Variants in ADARB2 observed in about 807,000 individuals in gnomAD.
The protein encoded by ADARB2 is inactive double-stranded RNA-specific editase B2.
Under a neutral mutation model 62.2 loss-of-function variants are expected in ADARB2, and 25 were observed. The ratio of observed to expected loss-of-function variants is 0.40; its 90% CI spans 0.29 to 0.56. The LOEUF is 0.56. Ranked by LOEUF, ADARB2 falls within the 20% of genes least tolerant of loss-of-function variation. The probability of loss-of-function intolerance (pLI) is 0.43; values close to 1 mark genes in which losing one functional copy is unlikely to be tolerated. For synonymous variants in ADARB2, 572 were observed against 500.8 expected (o/e 1.14, Z -1.90); for missense variants, 1,071 against 1,077.4 (o/e 0.99, Z 0.08).
intron 1 of ADARB2, among the ~76,000 whole-genome samples, chr10:1,383,436 A>T (rs1218984598): frequency 6.4e-5 from 3 of 47,100 alleles, no homozygotes; most frequent in African/African-American, 1.1e-4. Flanking sequence ...GAGTATGATT[A>T]AAAAAAAAAA....
At chr10:1,702,913 G>C (rs1300694783) in intron 1 of ADARB2, among the ~76,000 whole-genome samples, 2 of 152,236 alleles carry the variant, frequency 1.3e-5, no homozygotes, top group Admixed American at 1.3e-4. Context: ...TAAAGAATTA[G>C]CTACTGTTAT....
At chr10:1,527,844 C>A (rs748641785) in intron 1 of ADARB2, among the ~76,000 whole-genome samples, 1 of 152,072 alleles carries the variant, frequency 6.6e-6, no homozygotes, top group African/African-American at 2.4e-5. Flanking sequence ...CCCAGCTGCA[C>A]GGGGAGAAGC....
chr10:1,630,975 AC>A (rs1564352212), intron 1 of ADARB2, among the ~76,000 whole-genome samples: 2 of 151,638 alleles, frequency 1.3e-5, no homozygotes, highest in Non-Finnish European at 2.9e-5. Context: ...AAACAAACAA[AC>A]AAACAAACAA....
chr10:1,708,897 G>C (rs1834921210), intron 1 of ADARB2, among the ~76,000 whole-genome samples: 1 of 152,324 alleles, frequency 6.6e-6, no homozygotes, highest in African/African-American at 2.4e-5. Flanking sequence ...TATGTGAGCA[G>C]AGGGCTGAGG....
intron 4 of ADARB2, among the ~76,000 whole-genome samples, chr10:1,260,608 C>T (rs1831126767): frequency 6.6e-6 from 1 of 151,826 alleles, no homozygotes; most frequent in Non-Finnish European, 1.5e-5. Flanking sequence ...ATGTGAAGGA[C>T]CTCTTCAAGG....
At chr10:1,357,621 T>C (rs1832208729) in intron 3 of ADARB2, among the ~76,000 whole-genome samples, 1 of 152,228 alleles carries the variant, frequency 6.6e-6, no homozygotes, top group Admixed American at 6.5e-5. Flanking sequence ...AGCAAATGTC[T>C]TCCCTTAATC....
In ADARB2 at chr10:1,221,660, A is replaced by ATGC. The variant is rs751479289; in HGVS notation, c.1514-4544_1514-4542dup. On this transcript the variant is annotated intron_variant, in intron 6 of 9. Coordinates refer to ENST00000381312, the MANE Select transcript of ADARB2 (RefSeq NM_018702.4). Reference sequence around the variant, plus strand: ...TCAATTCCCATCTATGAGTGAGAACATGCGGTGTTTGGTTTTTTGTCCTTG... The same window carrying ATGC: ...TCAATTCCCATCTATGAGTGAGAACATGCTGCGGTGTTTGGTTTTTTGTCCTTG... 6.9e-4 allele frequency among the ~76,000 whole-genome samples: 105 copies of ATGC among 151,614 alleles called. 1 individual carries two copies. The highest frequency in any genetic ancestry group is 1.2e-3 in the Non-Finnish European group (82 of 67,972).
At chr10:1,546,741 G>A (rs754411491) in intron 1 of ADARB2, among the ~76,000 whole-genome samples, 2 of 152,234 alleles carry the variant, frequency 1.3e-5, no homozygotes, top group South Asian at 2.1e-4. Flanking sequence ...TGAAAACAAC[G>A]CTGGGAGGTC....
At chr10:1,579,857 T>C (rs186156196) in intron 1 of ADARB2, among the ~76,000 whole-genome samples, 119 of 152,308 alleles carry the variant, frequency 7.8e-4, no homozygotes, top group African/African-American at 2.6e-3. Flanking sequence ...TGGCCATGGA[T>C]GCCCAGGTGG....
intron 1 of ADARB2, among the ~76,000 whole-genome samples, chr10:1,624,192 T>A (rs1217049999): frequency 2.0e-5 from 3 of 151,980 alleles, no homozygotes; most frequent in African/African-American, 7.3e-5. Flanking sequence ...TTTGAAGGCA[T>A]CACTCCACTC....
At chr10:1,624,156 C>A (rs918454471) in intron 1 of ADARB2, among the ~76,000 whole-genome samples, 4 of 152,096 alleles carry the variant, frequency 2.6e-5, no homozygotes, top group Non-Finnish European at 4.4e-5. Context: ...ATCACCTGAG[C>A]CCAGGAGGCT....
At chr10:1,243,251 G>A (rs1399881869) in intron 4 of ADARB2, among the ~76,000 whole-genome samples, 2 of 152,250 alleles carry the variant, frequency 1.3e-5, no homozygotes, top group Admixed American at 1.3e-4. Context: ...GGCCCGGATC[G>A]CAGGCCAAGG....
chr10:1,302,849 A>G (rs1391421250), intron 3 of ADARB2, among the ~76,000 whole-genome samples: 1 of 152,212 alleles, frequency 6.6e-6, no homozygotes, highest in East Asian at 1.9e-4. Context: ...AACAAACAGA[A>G]AGGACATCCA....
chr10:1,399,247 G>A (rs899401346), intron 1 of ADARB2, among the ~76,000 whole-genome samples: 1 of 152,134 alleles, frequency 6.6e-6, no homozygotes, highest in African/African-American at 2.4e-5. Flanking sequence ...TATAGTTCAT[G>A]GGTAACAAGG....
At chr10:1,271,171 C>A in intron 3 of ADARB2, 102 bp from the exon 4 acceptor site, 1 of 897,124 alleles carries the variant, frequency 1.1e-6, no homozygotes. Flanking sequence ...CCCCATGTGG[C>A]CACACATGGG....
intron 6 of ADARB2, among the ~76,000 whole-genome samples, chr10:1,231,044 T>C (rs1589159155): frequency 1.3e-5 from 2 of 152,000 alleles, no homozygotes; most frequent in Non-Finnish European, 1.5e-5. Context: ...GAGGCTGCAG[T>C]TGGTGATCGA....
At chr10:1,387,755 C>T (rs1832536813) in intron 1 of ADARB2, among the ~76,000 whole-genome samples, 1 of 151,822 alleles carries the variant, frequency 6.6e-6, no homozygotes, top group Admixed American at 6.6e-5. Context: ...TTTGATGAGG[C>T]CAATGTTAAT....
rs575531841 is a variant in ADARB2 at position 1,203,844 on chromosome 10, G to A, written c.1683-3697C>T. Reference sequence around the variant, plus strand: ...AGTGGACCTCAAAGTGGGATGTCTGGGCCAGCCATGGAGCATCACCTGAGA... The same window carrying A: ...AGTGGACCTCAAAGTGGGATGTCTGAGCCAGCCATGGAGCATCACCTGAGA... On this transcript the variant is annotated intron_variant, in intron 7 of 9. Coordinates refer to ENST00000381312, the MANE Select transcript of ADARB2 (RefSeq NM_018702.4). Among the ~76,000 whole-genome samples the A allele has an allele frequency of 2.5e-3, 386 of 152,188 alleles. 2 individuals are homozygous for A. Among genetic ancestry groups the A allele is most frequent in the South Asian group, 6.2e-3 (30 of 4,806 alleles).
At chr10:1,201,184 A>T (rs1209114544) in intron 7 of ADARB2, among the ~76,000 whole-genome samples, 1 of 152,250 alleles carries the variant, frequency 6.6e-6, no homozygotes, top group Non-Finnish European at 1.5e-5. Context: ...TGAATGAGAA[A>T]CATCTTTTAA....
Sources: allele counts gnomAD v4.1 joint callset (sites outside exome capture counted in the v4.1 genomes callset), GRCh38; gene constraint gnomAD v4.1.1; transcripts MANE v1.5; gene names NCBI Gene and HGNC (gene_info 2026-07-23, HGNC 2026-07-21).